RUFY3: variants seen among roughly 807,000 people sequenced by gnomAD.
The protein encoded by RUFY3 is RUN and FYVE domain containing 3.
A neutral mutation model predicts 84.0 loss-of-function variants in RUFY3; 34 were observed. The ratio of observed to expected loss-of-function variants is 0.40; its 90% CI spans 0.31 to 0.54. The LOEUF (loss-of-function observed/expected upper bound fraction) is 0.54, where lower values mean the gene tolerates loss of function less well. Ranked by LOEUF, RUFY3 falls within the 20% of genes least tolerant of loss-of-function variation. The pLI, the probability that RUFY3 is intolerant of heterozygous loss-of-function variation, is 0.39. For synonymous variants in RUFY3, 242 were observed against 252.9 expected, an observed-to-expected ratio of 0.96 and a Z score of 0.41; for missense variants, 507 against 736.8, an observed-to-expected ratio of 0.69 and a Z score of 3.61.
chr4:70,710,345 CTCT>C (rs1740832175), intron 1 of RUFY3, among the ~76,000 whole-genome samples: 1 of 152,172 alleles, frequency 6.6e-6, no homozygotes, highest in Non-Finnish European at 1.5e-5. Flanking sequence ...GTTATTGTCT[CTCT>C]TCTTTTTTAA....
chr4:70,712,208 T>C (rs1741070638), intron 1 of RUFY3, among the ~76,000 whole-genome samples: 1 of 152,200 alleles, frequency 6.6e-6, no homozygotes, highest in African/African-American at 2.4e-5. Flanking sequence ...AAGATGTGAC[T>C]GTAAGATAAT....
intron 1 of RUFY3, among the ~76,000 whole-genome samples, chr4:70,711,878 C>CA (rs1467287579): frequency 6.6e-6 from 1 of 152,240 alleles, no homozygotes; most frequent in Admixed American, 6.5e-5. Flanking sequence ...CCTGAACTCT[C>CA]ACAGTTTGTC....
At chr4:70,783,491 T>TA (rs2148775409) in intron 9 of RUFY3, among the ~76,000 whole-genome samples, 1 of 152,378 alleles carries the variant, frequency 6.6e-6, no homozygotes, top group South Asian at 2.1e-4. Flanking sequence ...AAACATACTA[T>TA]TACTTTTATA....
chr4:70,710,721 A>G (rs1254760227), intron 1 of RUFY3, among the ~76,000 whole-genome samples: 2 of 152,004 alleles, frequency 1.3e-5, no homozygotes, highest in African/African-American at 4.8e-5. Flanking sequence ...CAGGAATTGA[A>G]CACATGTTTT....
chr4:70,777,839 G>A (rs1219159428), intron 7 of RUFY3, among the ~76,000 whole-genome samples: 1 of 152,176 alleles, frequency 6.6e-6, no homozygotes, highest in African/African-American at 2.4e-5. Flanking sequence ...AGTTTATTCT[G>A]TAGGGAATGA....
chr4:70,762,162 A>G (rs990414117), intron 1 of RUFY3, among the ~76,000 whole-genome samples: 2 of 152,218 alleles, frequency 1.3e-5, no homozygotes, highest in Non-Finnish European at 2.9e-5. Context: ...CAGAAAATAC[A>G]AAAATTAGCC....
At chr4:70,733,575 C>G (rs970159635) in intron 1 of RUFY3, among the ~76,000 whole-genome samples, 1 of 152,162 alleles carries the variant, frequency 6.6e-6, no homozygotes, top group Non-Finnish European at 1.5e-5. Context: ...GTAACACACT[C>G]TTGAGAGCAA....
At chr4:70,771,532 ATTTAT>A (rs1465260499) in intron 5 of RUFY3, among the ~76,000 whole-genome samples, 1 of 152,202 alleles carries the variant, frequency 6.6e-6, no homozygotes, top group Non-Finnish European at 1.5e-5. Flanking sequence ...TTATATTTAT[ATTTAT>A]TTTATTTTAT....
intron 12 of RUFY3, chr4:70,793,430 G>A: frequency 1.9e-6 from 2 of 1,050,490 alleles, no homozygotes; most frequent in Non-Finnish European, 2.3e-6. Context: ...TTTAAAAAGT[G>A]GATTTAACTT....
Position 70,733,933 on chromosome 4 carries a change from T to C in RUFY3, c.178+11182T>C, listed in dbSNP as rs143342907. On this transcript the variant is annotated intron_variant, in intron 1 of 17. Transcript: ENST00000381006. ...GTTCCTTTTTCAAAGGAAAAATCTT[T>C]ATGAAAATTAACGGGTGTGCAATCA... 7.7e-3 allele frequency among the ~76,000 whole-genome samples: 1,178 copies of C among 152,344 alleles called. 14 individuals are homozygous for C. Among genetic ancestry groups the C allele is most frequent in the African/African-American group, 0.027 (1,117 of 41,570 alleles).
At chr4:70,789,922 T>A (rs1193003587) in intron 12 of RUFY3, 47 of 1,023,120 alleles carry the variant, frequency 4.6e-5, no homozygotes, top group Non-Finnish European at 5.0e-5. Flanking sequence ...CTCTTAAATG[T>A]ATGTATGTAA....
intron 5 of RUFY3, among the ~76,000 whole-genome samples, chr4:70,771,443 C>T (rs1430251414): frequency 6.6e-6 from 1 of 152,122 alleles, no homozygotes; most frequent in Non-Finnish European, 1.5e-5. Context: ...ACGTTAAGTA[C>T]TAATAGCATA....
chr4:70,743,621 A>C (rs939371328), intron 1 of RUFY3, among the ~76,000 whole-genome samples: 30 of 151,828 alleles, frequency 2.0e-4, no homozygotes, highest in African/African-American at 7.0e-4. Context: ...GTCGATGGTT[A>C]TTATAGGTGA....
At chr4:70,731,715 G>A (rs1247073892) in intron 1 of RUFY3, among the ~76,000 whole-genome samples, 1 of 151,760 alleles carries the variant, frequency 6.6e-6, no homozygotes. Context: ...CTATAAATGT[G>A]CACCACCATG....
chr4:70,798,251 C>A (rs185244791), intron 14 of RUFY3, among the ~76,000 whole-genome samples: 2 of 151,988 alleles, frequency 1.3e-5, no homozygotes, highest in African/African-American at 2.4e-5. Flanking sequence ...TGCCTATAGT[C>A]CCAGCTGCTC....
At chr4:70,764,967 C>G (rs772467967) in intron 4 of RUFY3, among the ~76,000 whole-genome samples, 1 of 152,104 alleles carries the variant, frequency 6.6e-6, no homozygotes, top group South Asian at 2.1e-4. Context: ...GGGCAGACCA[C>G]TTGAGGCCAG....
chr4:70,806,523 G>T lies in RUFY3; in HGVS notation c.1727G>T (p.Cys576Phe), dbSNP rs1408439337. Residue 576 changes from cysteine to phenylalanine, a missense_variant, in exon 18 of 18, where the codon TGT becomes TTT. By Grantham distance (205) the Cys-to-Phe change is radical. Transcript: ENST00000381006. ...QEDGSLTKNV[C>F]KNCSGTFCDA... ...AACCTCCTCTTCTCATAGAATGTGT[G>T]TAAGAACTGCAGCGGAACCTTCTGT... 1 of 1,613,962 alleles carries T rather than the reference G, an allele frequency of 6.2e-7. No individual in the cohort carries two copies. The highest frequency in any genetic ancestry group is 8.5e-7 in the Non-Finnish European group (1 of 1,179,976).
chr4:70,713,505 C>T (rs1741228676), intron 1 of RUFY3, among the ~76,000 whole-genome samples: 1 of 152,022 alleles, frequency 6.6e-6, no homozygotes, highest in South Asian at 2.1e-4. Flanking sequence ...ATCTGACATG[C>T]TCCCTACCGA....
At chr4:70,799,423 C>A (rs1345805421) in intron 14 of RUFY3, 1 of 152,202 alleles carries the variant, frequency 6.6e-6, no homozygotes, top group Non-Finnish European at 1.5e-5. Flanking sequence ...GCCTGTAATC[C>A]CAGCTACTCT....
Sources: allele counts gnomAD v4.1 joint callset (sites outside exome capture counted in the v4.1 genomes callset), GRCh38; gene constraint gnomAD v4.1.1; transcripts MANE v1.5; gene names NCBI Gene and HGNC (gene_info 2026-07-23, HGNC 2026-07-21).